Variants in NAV3 observed in about 807,000 individuals in gnomAD.
NAV3 encodes the protein pore membrane and/or filament interacting like protein 1.
Under a neutral mutation model 244.7 loss-of-function variants are expected in NAV3, and 87 were observed. The ratio of observed to expected loss-of-function variants is 0.36; its 90% confidence interval spans 0.30 to 0.42. NAV3 has a LOEUF of 0.42. NAV3 is among the 20% of genes least tolerant of loss of function. The probability of loss-of-function intolerance (pLI) is 1.00; values close to 1 mark genes in which losing one functional copy is unlikely to be tolerated. For missense variants in NAV3, 2,663 were observed against 2,893.3 expected, an observed-to-expected ratio of 0.92 and a Z score of 1.83; for synonymous variants, 1,126 against 1,042.2, an observed-to-expected ratio of 1.08 and a Z score of -1.55.
chr12:78,021,928 T>C (rs912941933), intron 9 of NAV3, 66 bp downstream of exon 9: 1 of 933,698 alleles, frequency 1.1e-6, no homozygotes, highest in Non-Finnish European at 1.6e-6. Context: ...TAAGACTTTT[T>C]ATTAAATCAT....
intron 2 of NAV3, among the ~76,000 whole-genome samples, chr12:77,746,975 C>T (rs1234451789): frequency 6.6e-6 from 1 of 152,108 alleles, no homozygotes; most frequent in African/African-American, 2.4e-5. Flanking sequence ...TGCACTTTGA[C>T]AGGTATGATT....
At chr12:77,926,919 C>T (rs1888282625) in intron 1 of NAV3, among the ~76,000 whole-genome samples, 1 of 152,190 alleles carries the variant, frequency 6.6e-6, no homozygotes, top group South Asian at 2.1e-4. Context: ...CTCTGAACTG[C>T]TAAGGCTTAA....
In NAV3 at chr12:78,119,737, C is replaced by A. The variant is rs2138629391; in HGVS notation, c.3541C>A (p.Pro1181Thr). The A allele has an allele frequency of 6.2e-7, 1 of 1,614,126 alleles. No homozygotes were observed. Among genetic ancestry groups the A allele is most frequent in the Non-Finnish European group, 8.5e-7 (1 of 1,180,028 alleles). Reference sequence around the variant, plus strand: ...GGCCACCACCTCGAAACTGAGAGAACCAACTAAAATTGGGTCAGGGCGCTC... The same window carrying A: ...GGCCACCACCTCGAAACTGAGAGAAACAACTAAAATTGGGTCAGGGCGCTC... ...AGATTSKLREPTKIGSGRSSP... is the reference protein window; with the variant it reads ...AGATTSKLRETTKIGSGRSSP... Residue 1181 changes from proline (P) to threonine (T), a missense_variant, in exon 15 of 40, where the codon CCA becomes ACA. Pro to Thr is a conservative substitution (Grantham distance 38). Around this residue, in one of 6 missense-constraint regions of NAV3, gnomAD observed 1,521 missense variants for 1,497.0 expected, o/e 1.02. Transcript: ENST00000397909.
At chr12:77,805,822 T>C (rs1434257760) in intron 2 of NAV3, among the ~76,000 whole-genome samples, 1 of 152,206 alleles carries the variant, frequency 6.6e-6, no homozygotes, top group Admixed American at 6.5e-5. Context: ...GGTAGGTTAT[T>C]AATTACTGCC....
chr12:77,982,897 G>T (rs1023360383), intron 5 of NAV3, among the ~76,000 whole-genome samples: 1 of 152,194 alleles, frequency 6.6e-6, no homozygotes, highest in Non-Finnish European at 1.5e-5. Context: ...GGCAGCCTTA[G>T]TGGTATCATA....
chr12:77,755,862 T>C (rs1869148279), intron 2 of NAV3, among the ~76,000 whole-genome samples: 2 of 151,720 alleles, frequency 1.3e-5, no homozygotes, highest in African/African-American at 4.8e-5. Context: ...ACCTTCCAAG[T>C]AGCTGAGACT....
intron 2 of NAV3, among the ~76,000 whole-genome samples, chr12:77,583,992 G>A (rs1869487719): frequency 6.6e-6 from 1 of 152,116 alleles, no homozygotes; most frequent in South Asian, 2.1e-4. Context: ...AATACTCATT[G>A]CTCTATTTTT....
chr12:78,019,502 CAT>C (rs1876791921), intron 8 of NAV3, among the ~76,000 whole-genome samples: 1 of 152,016 alleles, frequency 6.6e-6, no homozygotes, highest in South Asian at 2.1e-4. Flanking sequence ...GTTCTGAAAA[CAT>C]AGGTCCAGGG....
chr12:78,009,483 G>A (rs1324191964), intron 8 of NAV3, among the ~76,000 whole-genome samples: 6 of 147,986 alleles, frequency 4.1e-5, no homozygotes, highest in African/African-American at 1.5e-4. Flanking sequence ...AGAAAAAAAG[G>A]GCGATAGAAT....
At chr12:77,958,216 A>G (rs1249221207) in intron 3 of NAV3, among the ~76,000 whole-genome samples, 1 of 152,168 alleles carries the variant, frequency 6.6e-6, no homozygotes, top group African/African-American at 2.4e-5. Flanking sequence ...ACAATCAGAA[A>G]AATTCTGCCT....
intron 16 of NAV3, 31 bp downstream of exon 16, chr12:78,122,459 T>C (rs996978652): frequency 6.5e-7 from 1 of 1,542,274 alleles, no homozygotes; most frequent in Non-Finnish European, 8.7e-7. Flanking sequence ...TGATAACATC[T>C]TCCCCCTCTT....
chr12:77,752,752 C>T (rs140240315), intron 2 of NAV3, among the ~76,000 whole-genome samples: 73 of 152,144 alleles, frequency 4.8e-4, no homozygotes, highest in Non-Finnish European at 6.3e-4. Flanking sequence ...ATAAGGCAAG[C>T]GACTGAATAC....
chr12:77,669,642 G>C (rs539972002), intron 2 of NAV3, among the ~76,000 whole-genome samples: 17 of 152,128 alleles, frequency 1.1e-4, no homozygotes, highest in African/African-American at 4.1e-4. Flanking sequence ...TAGTACAACA[G>C]GAAAATATCA....
intron 30 of NAV3, among the ~76,000 whole-genome samples, chr12:78,184,039 G>T (rs1378223188): frequency 6.6e-6 from 1 of 151,708 alleles, no homozygotes; most frequent in Non-Finnish European, 1.5e-5. Context: ...CTTCTTCAAG[G>T]AAGCCTTCCA....
intron 3 of NAV3, among the ~76,000 whole-genome samples, chr12:77,964,350 T>G (rs1892328191): frequency 6.6e-6 from 1 of 152,194 alleles, no homozygotes; most frequent in Admixed American, 6.6e-5. Context: ...AAATCTTCCT[T>G]CTTTCTATAA....
At chr12:77,728,757 G>A (rs1367990229) in intron 2 of NAV3, among the ~76,000 whole-genome samples, 1 of 151,780 alleles carries the variant, frequency 6.6e-6, no homozygotes, top group African/African-American at 2.4e-5. Flanking sequence ...CCCTGGAATA[G>A]CATGGGTTTG....
intron 1 of NAV3, among the ~76,000 whole-genome samples, chr12:77,879,660 G>A (rs1219446758): frequency 3.8e-5 from 4 of 104,630 alleles, no homozygotes; most frequent in Admixed American, 1.5e-4. Flanking sequence ...TAGCCTTGGC[G>A]AAAGAGCGAA....
At chr12:78,205,813 T>A (rs958002636) in intron 39 of NAV3, among the ~76,000 whole-genome samples, 1 of 152,170 alleles carries the variant, frequency 6.6e-6, no homozygotes, top group Non-Finnish European at 1.5e-5. Flanking sequence ...GAAGTGTTAC[T>A]AACTCACCAT....
At chr12:78,150,581 A>G (rs542539171) in intron 22 of NAV3, among the ~76,000 whole-genome samples, 2 of 150,154 alleles carry the variant, frequency 1.3e-5, no homozygotes, top group African/African-American at 4.9e-5. Flanking sequence ...ACATTTTTCT[A>G]TTATATGCTA....
Sources: gnomAD v4.1 joint callset for allele counts (sites outside exome capture counted in the v4.1 genomes callset) on GRCh38, gnomAD v4.1.1 for gene constraint, gnomAD v4.1.1 regional missense constraint, MANE v1.5 for transcripts, NCBI Gene and HGNC (gene_info 2026-07-23, HGNC 2026-07-21) for gene names.